Variants in GRM4 observed in about 807,000 individuals in gnomAD.
GRM4 encodes metabotropic glutamate receptor 4.
GRM4 carries 28 observed loss-of-function variants against 81.7 expected under a neutral mutation model. The ratio of observed to expected loss-of-function variants is 0.34; its 90% confidence interval spans 0.25 to 0.47. GRM4 has a LOEUF of 0.47. GRM4 is among the 20% of genes least tolerant of loss of function. The pLI, the probability that GRM4 is intolerant of heterozygous loss-of-function variation, is 1.00. For synonymous variants in GRM4, 488 were observed against 528.8 expected (o/e 0.92, Z 1.06); for missense variants, 948 against 1,290.0 (o/e 0.73, Z 4.06).
chr6:34,119,945 C>T (rs747541896), intron 2 of GRM4, among the ~76,000 whole-genome samples: 39 of 152,166 alleles, frequency 2.6e-4, no homozygotes, highest in East Asian at 1.7e-3. Context: ...GCAACACGCA[C>T]CCCAGCCCGT....
rs138156137 is a variant in GRM4, at chr6:34,117,306, G to A, written c.519+15672C>T. 8.2e-3 allele frequency among the ~76,000 whole-genome samples: 1,251 copies of A among 152,288 alleles called. 5 individuals are homozygous for A. The highest frequency in any genetic ancestry group is 0.044 in the Middle Eastern group (13 of 294). ...AAATGGAACTGAAAATGGCAGGGCC[G>A]GAGGGAGGGAACAAAGATGAGGTGG... On this transcript the variant is annotated intron_variant, in intron 2 of 10. Transcript: ENST00000538487.
intron 10 of GRM4, chr6:34,024,122 A>G (rs1332594878): frequency 1.3e-5 from 2 of 152,756 alleles, no homozygotes; most frequent in Non-Finnish European, 2.9e-5. Context: ...GGTGGTCTAC[A>G]AATTGTCCCC....
intron 3 of GRM4, among the ~76,000 whole-genome samples, chr6:34,072,670 CCA>C (rs745742264): frequency 0.048 from 579 of 11,992 alleles, 8 homozygotes; most frequent in African/African-American, 0.11. Flanking sequence ...TAGATACACA[CCA>C]CACACACACA....
In GRM4 at chr6:34,064,573, G is replaced by A. The variant is rs1197178769; in HGVS notation, c.737-2545C>T. ...TGCCCACTGGTGTTGCTGCCCCCAG[G>A]ATGAGAAACCAAGTGCCCGTGGGTT... On this transcript the variant is annotated intron_variant, in intron 3 of 10. Transcript: ENST00000538487. This position sits in a 1 kb window ranked among gnomAD's most constrained non-coding sequence, Gnocchi z 4.4. Among the ~76,000 whole-genome samples, 2 of 152,328 alleles carry A rather than the reference G, an allele frequency of 1.3e-5. No homozygotes were observed. Among genetic ancestry groups the A allele is most frequent in the Middle Eastern group, 3.4e-3 (1 of 294 alleles).
Position 34,152,866 on chromosome 6 carries a change from T to G in GRM4, c.312+2213A>C. 1.4e-5 allele frequency among the ~76,000 whole-genome samples: 2 copies of G among 142,534 alleles called. No individual in the cohort carries two copies. The allele number at this position is 142,534 out of a possible 152,430, so 93.5% of individuals were successfully genotyped here. A position where few individuals can be genotyped will look rare whatever the true frequency, so the allele number is the denominator to read the frequency against. On this transcript the variant is annotated intron_variant, in intron 1 of 8. Transcript: ENST00000374177. This position sits in a 1 kb window ranked among gnomAD's most constrained non-coding sequence, Gnocchi z 4.1. The stretch of plus-strand genomic sequence containing the variant: ...AGCAAGGTGGGAGGGTGGCTGGGGA[T>G]GGGAAGGTGGGGCATCTCAGGAGGG...
At position 34,078,149 on chromosome 6, in the gene GRM4, C is replaced by T. The variant is rs531259444; in HGVS notation, c.736+13734G>A. ...ATGAAAGAATGAACAAATGAATGAA[C>T]ATGCTAGGTGGTTAATTAACTAACA... is the stretch of plus-strand genomic sequence containing the variant. On this transcript the variant is annotated intron_variant, in intron 3 of 10. Transcript: ENST00000538487. This position sits in a 1 kb window ranked among gnomAD's most constrained non-coding sequence, Gnocchi z 4.8. 9.2e-5 allele frequency among the ~76,000 whole-genome samples: 14 copies of T among 152,290 alleles called. No homozygotes were observed. Among genetic ancestry groups the T allele is most frequent in the African/African-American group, 3.4e-4 (14 of 41,554 alleles).
chr6:34,136,356 T>G lies in GRM4; in HGVS notation c.-363-2497A>C, dbSNP rs1309854151. Among the ~76,000 whole-genome samples, 3 of 152,026 alleles carry G rather than the reference T, an allele frequency of 2.0e-5. No homozygotes were observed. The highest frequency in any genetic ancestry group is 7.3e-5 in the African/African-American group (3 of 41,376). ...AGGTCCTGTGAGTTTATGATCGGTT[T>G]CCATGAATTTCAAACAGAGGGCTTT... On this transcript the variant is annotated intron_variant, in intron 1 of 10. Coordinates refer to ENST00000538487, the MANE Select transcript of GRM4 (RefSeq NM_000841.4). The surrounding 1 kb of genome is among the most constrained non-coding windows in gnomAD (Gnocchi z 4.1).
At chr6:34,032,691 C>T (rs1220044123) in intron 9 of GRM4, among the ~76,000 whole-genome samples, 3 of 152,188 alleles carry the variant, frequency 2.0e-5, no homozygotes, top group Non-Finnish European at 1.5e-5. Flanking sequence ...ATAATCAGGG[C>T]TGGCTGGGGG....
At chr6:34,144,239 G>C (rs766760823) in intron 1 of GRM4, among the ~76,000 whole-genome samples, 27 of 152,230 alleles carry the variant, frequency 1.8e-4, no homozygotes, top group Non-Finnish European at 3.8e-4. Context: ...CCCTGGTGCG[G>C]GGGCGCCTCT....
Position 34,152,915 on chromosome 6 carries a change from T to C in GRM4, c.312+2164A>G, listed in dbSNP as rs1771073707. The stretch of plus-strand genomic sequence containing the variant: ...GGCCAGGGCCTGCAGAGACCCAGGC[T>C]GGGGGTGGAGTAGGTGGCACACCGG... On this transcript the variant is annotated intron_variant, in intron 1 of 8. Coordinates refer to the GRM4 transcript ENST00000374177. The surrounding 1 kb of genome is among the most constrained non-coding windows in gnomAD (Gnocchi z 4.1). 6.6e-6 allele frequency among the ~76,000 whole-genome samples: 1 copy of C among 151,926 alleles called. No homozygotes were observed. The highest frequency in any genetic ancestry group is 2.4e-5 in the African/African-American group (1 of 41,328).
chr6:34,036,401 C>A lies in GRM4; in HGVS notation c.1709G>T (p.Arg570Leu). Reference protein sequence around the residue: ...CPYDMRPTENRTGCRPIPIIK... With the variant: ...CPYDMRPTENLTGCRPIPIIK... ...GATGGGGATGGGCCGGCAGCCCGTG[C>A]GGTTCTCTGTGGGCCGCATGTCATA... Residue 570 changes from arginine to leucine, a missense_variant, in exon 9 of 11, where the codon CGC (arginine) becomes CTC (leucine). By Grantham distance (102) the Arg-to-Leu change is moderately radical. Transcript: ENST00000538487. The surrounding 1 kb of genome is among the most constrained non-coding windows in gnomAD (Gnocchi z 9.0). The A allele has an allele frequency of 6.2e-6, 10 of 1,611,850 alleles. No individual in the cohort carries two copies. Among genetic ancestry groups the A allele is most frequent in the Non-Finnish European group, 8.5e-6 (10 of 1,178,392 alleles).
At chr6:34,125,527 C>T (rs1022087189) in intron 2 of GRM4, among the ~76,000 whole-genome samples, 4 of 152,234 alleles carry the variant, frequency 2.6e-5, no homozygotes, top group African/African-American at 4.8e-5. Context: ...CAATGCTCCC[C>T]GAACTCCCCC....
chr6:34,116,312 C>G (rs1769594836), intron 2 of GRM4, among the ~76,000 whole-genome samples: 1 of 152,178 alleles, frequency 6.6e-6, no homozygotes, highest in Admixed American at 6.5e-5. Flanking sequence ...ATACTGACTT[C>G]CTAGCTGGCG....
intron 6 of GRM4, among the ~76,000 whole-genome samples, chr6:34,050,400 G>A (rs1247856186): frequency 1.3e-5 from 2 of 152,134 alleles, no homozygotes; most frequent in East Asian, 1.9e-4. Context: ...GTGGCTGGAC[G>A]CCGTCCTCAT....
chr6:34,073,992 T>G (rs1767174288), intron 3 of GRM4, among the ~76,000 whole-genome samples: 1 of 152,150 alleles, frequency 6.6e-6, no homozygotes, highest in African/African-American at 2.4e-5. Context: ...ATGGAGCGGC[T>G]CTGTGGCCAG....
chr6:34,142,869 A>G (rs1561837424), intron 1 of GRM4, among the ~76,000 whole-genome samples: 2 of 152,282 alleles, frequency 1.3e-5, no homozygotes, highest in Non-Finnish European at 1.5e-5. Flanking sequence ...GAGGCCCAGA[A>G]AGCAGCTCAA....
chr6:34,024,843 AG>A (rs1486996215), intron 10 of GRM4: 1 of 449,138 alleles, frequency 2.2e-6, no homozygotes, highest in African/African-American at 2.0e-5. Flanking sequence ...ATCCAAAAAA[AG>A]AATAAGAACA....
At chr6:34,054,216 ACTG>A (rs958028751) in intron 6 of GRM4, 1 of 144,036 alleles carries the variant, frequency 6.9e-6, no homozygotes, top group Non-Finnish European at 1.5e-5. Flanking sequence ...GCTGGAGTGC[ACTG>A]GCACAATCTC....
intron 2 of GRM4, among the ~76,000 whole-genome samples, chr6:34,110,330 C>T (rs796578249): frequency 9.3e-5 from 7 of 75,614 alleles, no homozygotes; most frequent in South Asian, 3.9e-4. Context: ...AAAAAAAAAA[C>T]CCCACATGGT....
Sources: gnomAD v4.1 joint callset for allele counts (sites outside exome capture counted in the v4.1 genomes callset) on GRCh38, gnomAD v4.1.1 for gene constraint, Gnocchi (gnomAD v3.1) non-coding constraint, MANE v1.5 for transcripts, NCBI Gene and HGNC (gene_info 2026-07-23, HGNC 2026-07-21) for gene names.